CUEDC2: variants seen among roughly 807,000 people sequenced by gnomAD.
CUEDC2 encodes CUE domain containing 2.
A neutral mutation model predicts 36.0 loss-of-function variants in CUEDC2; 10 were observed. The observed-to-expected ratio is 0.28, with a 90% CI of 0.17 to 0.47. CUEDC2 has a LOEUF of 0.47. CUEDC2 is among the 20% of genes least tolerant of loss of function. The probability of loss-of-function intolerance (pLI) is 0.99; values close to 1 mark genes in which losing one functional copy is unlikely to be tolerated. For missense variants in CUEDC2, 269 were observed against 368.1 expected (o/e 0.73, Z 2.20); for synonymous variants, 133 against 141.8 (o/e 0.94, Z 0.44).
chr10:102,424,509 G>A lies in CUEDC2; in HGVS notation c.270C>T (p.Ala90=), dbSNP rs769014314. ...GAGCCCCAGACTCACCTTTGTTCCT[G>A]GCATCGCTCAGCTGCCCTGAGAGCT... ...MQKLSGQLSD[A]RNKENLQPQS... is the part of the protein sequence containing the mutation. Residue 90 remains alanine (A), a synonymous_variant, in exon 4 of 9, where the codon GCC becomes GCT. Transcript: ENST00000369937. This position sits in a 1 kb window ranked among gnomAD's most constrained non-coding sequence, Gnocchi z 4.2. 8.1e-6 allele frequency: 13 copies of A among 1,613,992 alleles called. No individual in the cohort carries two copies. The highest frequency in any genetic ancestry group is 5.9e-6 in the Non-Finnish European group (7 of 1,180,018).
intron 2 of CUEDC2, 56 bp downstream of exon 2, chr10:102,425,059 G>T: frequency 6.8e-7 from 1 of 1,468,060 alleles, no homozygotes; most frequent in Non-Finnish European, 9.5e-7. Flanking sequence ...CCATAGTACT[G>T]CCCGGCAGCT....
chr10:102,423,724 A>C lies in CUEDC2; in HGVS notation c.657-7T>G. ...GCTATCCACCATCATGTACCTGTCA[A>C]AAACTGGCTGGGTGAAGCTCCTGTC... On this transcript the variant is annotated splice_region_variant and splice_polypyrimidine_tract_variant and intron_variant, in intron 7 of 8. Coordinates refer to ENST00000369937, the MANE Select transcript of CUEDC2 (RefSeq NM_024040.3). This position sits in a 1 kb window ranked among gnomAD's most constrained non-coding sequence, Gnocchi z 5.6. 6.2e-7 allele frequency: 1 copy of C among 1,614,158 alleles called. No individual in the cohort carries two copies. Among genetic ancestry groups the C allele is most frequent in the Non-Finnish European group, 8.5e-7 (1 of 1,180,010 alleles).
At chr10:102,425,248 C>A in intron 1 of CUEDC2, 50 bp from the exon 2 acceptor site, 1 of 1,413,158 alleles carries the variant, frequency 7.1e-7, no homozygotes, top group Non-Finnish European at 1.0e-6. Context: ...CTGCCCCCAC[C>A]CACTGGGCCT....
Position 102,423,273 on chromosome 10 carries a change from C to A in CUEDC2, c.*153G>T. 1.0e-6 allele frequency: 1 copy of A among 999,972 alleles called. No individual in the cohort carries two copies. The highest frequency in any genetic ancestry group is 1.5e-6 in the Non-Finnish European group (1 of 667,416). 61.9% of individuals were successfully genotyped at this position (999,972 alleles called of 1,614,324 possible). A position where few individuals can be genotyped will look rare whatever the true frequency, so the allele number is the denominator to read the frequency against. Reference sequence around the variant, plus strand: ...CTTCCTTGGGCCACCTTTACTGTGCCCATGGAGGCAGCTCCGAGAGTAGGT... The same window carrying A: ...CTTCCTTGGGCCACCTTTACTGTGCACATGGAGGCAGCTCCGAGAGTAGGT... On this transcript the variant is annotated 3_prime_UTR_variant, in exon 9 of 9. Transcript: ENST00000369937. This position sits in a 1 kb window ranked among gnomAD's most constrained non-coding sequence, Gnocchi z 5.6.
At chr10:102,427,491 A>C (rs2061601469) in intron 1 of CUEDC2, among the ~76,000 whole-genome samples, 1 of 152,174 alleles carries the variant, frequency 6.6e-6, no homozygotes, top group African/African-American at 2.4e-5. Flanking sequence ...CTCCAAGGCC[A>C]TTCTCAGTAA....
At chr10:102,430,463 C>T (rs917811180) in intron 1 of CUEDC2, among the ~76,000 whole-genome samples, 1 of 152,208 alleles carries the variant, frequency 6.6e-6, no homozygotes, top group Non-Finnish European at 1.5e-5. Flanking sequence ...GCCACCGTGC[C>T]CGGCCTGAGA....
chr10:102,432,247 T>G (rs1452975288), intron 1 of CUEDC2, among the ~76,000 whole-genome samples: 2 of 152,170 alleles, frequency 1.3e-5, no homozygotes, highest in South Asian at 4.1e-4. Flanking sequence ...GGACGACCCC[T>G]GAAGCAGCAG....
chr10:102,424,573 G>C lies in CUEDC2; in HGVS notation c.219-13C>G, dbSNP rs1187507325. 1.2e-6 allele frequency: 2 copies of C among 1,614,062 alleles called. No homozygotes were observed. Among genetic ancestry groups the C allele is most frequent in the African/African-American group, 2.7e-5 (2 of 74,938 alleles). On this transcript the variant is annotated splice_polypyrimidine_tract_variant and intron_variant, in intron 3 of 8. Coordinates refer to ENST00000369937, the MANE Select transcript of CUEDC2 (RefSeq NM_024040.3). The surrounding 1 kb of genome is among the most constrained non-coding windows in gnomAD (Gnocchi z 4.2). ...CCCTATTGTGCCCCTGAAAAGATGA[G>C]GGCAGTGAGAGGATGACTCTGCCCA...
At position 102,424,444 on chromosome 10, in the gene CUEDC2, G is replaced by A. The variant is rs1589906784; in HGVS notation, c.281-50C>T. 6 of 1,614,108 alleles carry A rather than the reference G, an allele frequency of 3.7e-6. No homozygotes were observed. Among genetic ancestry groups the A allele is most frequent in the Non-Finnish European group, 5.1e-6 (6 of 1,179,980 alleles). On this transcript the variant is annotated intron_variant, in intron 4 of 8. Transcript: ENST00000369937. The surrounding 1 kb of genome is among the most constrained non-coding windows in gnomAD (Gnocchi z 4.2). Reference sequence around the variant, plus strand: ...GGTTTGCCAAGGCTCTGGGGAGCAGGCAGTTGGGGGAGCGGGATTATGAAT... The same window carrying A: ...GGTTTGCCAAGGCTCTGGGGAGCAGACAGTTGGGGGAGCGGGATTATGAAT...
At position 102,423,316 on chromosome 10, in the gene CUEDC2, G is replaced by A. The variant is rs2061582289; in HGVS notation, c.*110C>T. The A allele has an allele frequency of 7.5e-7, 1 of 1,337,564 alleles. No individual in the cohort carries two copies. The highest frequency in any genetic ancestry group is 1.3e-5 in the South Asian group (1 of 79,892). The allele number at this position is 1,337,564 out of a possible 1,614,324, so 82.9% of individuals were successfully genotyped here. A position where few individuals can be genotyped will look rare whatever the true frequency, so the allele number is the denominator to read the frequency against. Reference sequence around the variant, plus strand: ...GAGTAGGTTAACACTATGGAGCAAAGGAGTAGAGAAGGGGGACAGGAGTTA... The same window carrying A: ...GAGTAGGTTAACACTATGGAGCAAAAGAGTAGAGAAGGGGGACAGGAGTTA... On this transcript the variant is annotated 3_prime_UTR_variant, in exon 9 of 9. Transcript: ENST00000369937. The surrounding 1 kb of genome is among the most constrained non-coding windows in gnomAD (Gnocchi z 5.6).
Position 102,424,774 on chromosome 10 carries a change from G to T in CUEDC2, c.93C>A (p.Ile31=). The change falls in exon 3 of 9, where the codon ATC becomes ATA. Residue 31 remains isoleucine, a synonymous_variant. Transcript: ENST00000369937. This position sits in a 1 kb window ranked among gnomAD's most constrained non-coding sequence, Gnocchi z 4.2. ...EADLSGLDEV[I]FSYVLGVLED... ...CCAGGACCCCAAGCACATAGGAGAA[G>T]ATGACCTCATCCAAGCCACTGCAGG... The T allele has an allele frequency of 6.2e-7, 1 of 1,613,608 alleles. No individual in the cohort carries two copies. The highest frequency in any genetic ancestry group is 8.5e-7 in the Non-Finnish European group (1 of 1,179,978).
chr10:102,424,124 A>T lies in CUEDC2; in HGVS notation c.466T>A (p.Phe156Ile). 6.2e-7 allele frequency: 1 copy of T among 1,614,040 alleles called. No individual in the cohort carries two copies. The highest frequency in any genetic ancestry group is 8.5e-7 in the Non-Finnish European group (1 of 1,179,988). Residue 156 changes from phenylalanine (F) to isoleucine (I), a missense_variant, in exon 6 of 9, where the codon TTC becomes ATC. Transcript: ENST00000369937. The surrounding 1 kb of genome is among the most constrained non-coding windows in gnomAD (Gnocchi z 4.2). ...LPGVDVLLEV[F>I]PTCSVEQAQW... Reference sequence around the variant, plus strand: ...GCCTGCTCCACCGAACAGGTAGGGAACACCTCCAGGAGTACATCCACCCCT... The same window carrying T: ...GCCTGCTCCACCGAACAGGTAGGGATCACCTCCAGGAGTACATCCACCCCT...
chr10:102,424,710 C>T lies in CUEDC2; in HGVS notation c.157G>A (p.Asp53Asn), dbSNP rs767718515. ...GPSGPSEENF[D>N]MEAFTEMMEA... Reference sequence around the variant, plus strand: ...ATCATCTCAGTGAAAGCCTCCATATCGAAGTTCTCCTCTGATGGGCCCGAG... The same window carrying T: ...ATCATCTCAGTGAAAGCCTCCATATTGAAGTTCTCCTCTGATGGGCCCGAG... The change falls in exon 3 of 9, where the codon GAT becomes AAT. Residue 53 changes from aspartate to asparagine, a missense_variant. By Grantham distance (23) the Asp-to-Asn change is conservative. Transcript: ENST00000369937. The surrounding 1 kb of genome is among the most constrained non-coding windows in gnomAD (Gnocchi z 4.2). The T allele has an allele frequency of 6.8e-6, 11 of 1,614,052 alleles. No individual in the cohort carries two copies. In the South Asian group the frequency reaches 8.8e-5, roughly 13 times the overall value.
intron 1 of CUEDC2, among the ~76,000 whole-genome samples, chr10:102,431,515 G>A (rs1402060483): frequency 6.6e-6 from 1 of 152,152 alleles, no homozygotes; most frequent in African/African-American, 2.4e-5. Flanking sequence ...AGGTCACAAG[G>A]CAAGTTAATG....
At position 102,423,329 on chromosome 10, in the gene CUEDC2, G is replaced by C; in HGVS notation, c.*97C>G. 7.1e-7 allele frequency: 1 copy of C among 1,411,110 alleles called. No individual in the cohort carries two copies. Among genetic ancestry groups the C allele is most frequent in the Non-Finnish European group, 9.9e-7 (1 of 1,006,706 alleles). 87.4% of individuals were successfully genotyped at this position (1,411,110 alleles called of 1,614,324 possible). On this transcript the variant is annotated 3_prime_UTR_variant, in exon 9 of 9. Transcript: ENST00000369937. The surrounding 1 kb of genome is among the most constrained non-coding windows in gnomAD (Gnocchi z 5.6). ...CTATGGAGCAAAGGAGTAGAGAAGG[G>C]GGACAGGAGTTAGGGGGCCCCTGTG...
chr10:102,423,641 C>T lies in CUEDC2; in HGVS notation c.717+16G>A. The stretch of plus-strand genomic sequence containing the variant: ...CCCACCCATTCCGCATCCCCAGCAA[C>T]CCTTAACTCTCTCACCTCCTTGGGA... On this transcript the variant is annotated intron_variant, in intron 8 of 8. Coordinates refer to ENST00000369937, the MANE Select transcript of CUEDC2 (RefSeq NM_024040.3). This position sits in a 1 kb window ranked among gnomAD's most constrained non-coding sequence, Gnocchi z 5.6. 6.2e-7 allele frequency: 1 copy of T among 1,614,208 alleles called. No homozygotes were observed. The highest frequency in any genetic ancestry group is 8.5e-7 in the Non-Finnish European group (1 of 1,180,028).
chr10:102,426,959 G>A (rs1367559516), intron 1 of CUEDC2, among the ~76,000 whole-genome samples: 2 of 151,874 alleles, frequency 1.3e-5, no homozygotes, highest in African/African-American at 4.8e-5. Context: ...CACCGTGCCC[G>A]GCCTCAAAAT....
Position 102,425,194 on chromosome 10 carries a change from C to G in CUEDC2, c.-6G>C. On this transcript the variant is annotated 5_prime_UTR_variant, in exon 2 of 9. Transcript: ENST00000369937. ...ACGATCCTCTCCAGCTCCATGCTCTCTCTTCTGAAGGGACACAGACAGGAT... is the reference window on the plus strand; with the variant it reads ...ACGATCCTCTCCAGCTCCATGCTCTGTCTTCTGAAGGGACACAGACAGGAT... 1 of 1,613,106 alleles carries G rather than the reference C, an allele frequency of 6.2e-7. No homozygotes were observed. The highest frequency in any genetic ancestry group is 1.1e-5 in the South Asian group (1 of 91,048).
At position 102,424,385 on chromosome 10, in the gene CUEDC2, T is replaced by G; in HGVS notation, c.290A>C (p.Gln97Pro). The G allele has an allele frequency of 6.2e-7, 1 of 1,614,060 alleles. No individual in the cohort carries two copies. The highest frequency in any genetic ancestry group is 8.5e-7 in the Non-Finnish European group (1 of 1,179,978). The change falls in exon 5 of 9, where the codon CAA becomes CCA. Residue 97 changes from glutamine (Q) to proline (P), a missense_variant. Coordinates refer to ENST00000369937, the MANE Select transcript of CUEDC2 (RefSeq NM_024040.3). This position sits in a 1 kb window ranked among gnomAD's most constrained non-coding sequence, Gnocchi z 4.2. The stretch of plus-strand genomic sequence containing the variant: ...ACCTTGGACACCAGAGCTCTGCGGT[T>G]GCAGGTTCTCTTAAAGAGGCAAAGA... ...LSDARNKENLQPQSSGVQGQV... is the reference protein window; with the variant it reads ...LSDARNKENLPPQSSGVQGQV...
Sources: allele counts gnomAD v4.1 joint callset (sites outside exome capture counted in the v4.1 genomes callset), GRCh38; gene constraint gnomAD v4.1.1; non-coding constraint Gnocchi (gnomAD v3.1); transcripts MANE v1.5; gene names NCBI Gene and HGNC (gene_info 2026-07-23, HGNC 2026-07-21).